The following ATP2C2 variants were observed in gnomAD, a reference collection of about 807,000 sequenced individuals.
The protein encoded by ATP2C2 is calcium-transporting ATPase type 2C member 2.
Under a neutral mutation model 110.8 loss-of-function variants are expected in ATP2C2, and 171 were observed. The observed-to-expected ratio is 1.54, with a 90% confidence interval of 1.36 to 1.75. The LOEUF (loss-of-function observed/expected upper bound fraction) is 1.75. ATP2C2 is among the 40% of genes most tolerant of loss of function. ATP2C2 has a pLI of 0.00. For missense variants in ATP2C2, 1,963 were observed against 1,235.0 expected, an observed-to-expected ratio of 1.59 and a Z score of -8.84; for synonymous variants, 804 against 508.4, an observed-to-expected ratio of 1.58 and a Z score of -7.82.
chr16:84,415,637 G>T (rs765341191), intron 7 of ATP2C2, 46 bp downstream of exon 7: 2 of 1,503,974 alleles, frequency 1.3e-6, no homozygotes, highest in African/African-American at 2.8e-5. Flanking sequence ...GATGGAGCTG[G>T]TCAAGGAGCA....
In ATP2C2 at chr16:84,431,917, T is replaced by C. The variant is rs1458976497; in HGVS notation, c.986+6116T>C. Reference sequence around the variant, plus strand: ...GCGGGGGCTGGGAGGAAGGGGGCACTGGAGCAGGACGCCGAGCTGTGCTGG... The same window carrying C: ...GCGGGGGCTGGGAGGAAGGGGGCACCGGAGCAGGACGCCGAGCTGTGCTGG... On this transcript the variant is annotated intron_variant, in intron 11 of 26. Transcript: ENST00000262429. Among the ~76,000 whole-genome samples, 3 of 152,154 alleles carry C rather than the reference T, an allele frequency of 2.0e-5. No individual in the cohort carries two copies. In the East Asian group the frequency reaches 5.8e-4, roughly 29 times the overall value.
chr16:84,372,414 A>G (rs754813056), intron 1 of ATP2C2, among the ~76,000 whole-genome samples: 2 of 152,172 alleles, frequency 1.3e-5, no homozygotes, highest in South Asian at 2.1e-4. Context: ...GCATCTTCTT[A>G]AAGAAATGTA....
Position 84,459,288 on chromosome 16 carries a change from T to C in ATP2C2, c.2235T>C (p.Ser745=). ...FQLSTSISAL[S]LITLSTVFNL... ...CCCGCAGGAGCATCTCCGCCCTGAG[T>C]CTCATCACTCTGTCCACCGTGTTCA... Residue 745 remains serine (S), a synonymous_variant, in exon 23 of 27, where the codon AGT becomes AGC. Coordinates refer to ENST00000262429, the MANE Select transcript of ATP2C2 (RefSeq NM_014861.4). 3 of 1,614,062 alleles carry C rather than the reference T, an allele frequency of 1.9e-6. No individual in the cohort carries two copies. The highest frequency in any genetic ancestry group is 2.5e-6 in the Non-Finnish European group (3 of 1,180,000).
At chr16:84,408,330 A>T in intron 3 of ATP2C2, 75 bp from the exon 4 acceptor site, 2 of 1,417,840 alleles carry the variant, frequency 1.4e-6, no homozygotes, top group Non-Finnish European at 2.0e-6. Context: ...TGTCACACAA[A>T]CTTCTGCACA....
At chr16:84,395,545 G>A (rs529557674) in intron 1 of ATP2C2, among the ~76,000 whole-genome samples, 4 of 149,544 alleles carry the variant, frequency 2.7e-5, no homozygotes, top group Non-Finnish European at 4.5e-5. Context: ...TGCAACCTCC[G>A]CCTTCCAGGT....
Position 84,368,608 on chromosome 16 carries a change from C to T in ATP2C2, c.-8C>T. ...TAGGGACGCAGGCAACGCCTGCGCC[C>T]GCTCACCATGGTCGAGGGACGCGTC... On this transcript the variant is annotated 5_prime_UTR_variant, in exon 1 of 27. Transcript: ENST00000262429. The T allele has an allele frequency of 1.3e-6, 2 of 1,549,982 alleles. No homozygotes were observed. The highest frequency in any genetic ancestry group is 8.7e-7 in the Non-Finnish European group (1 of 1,147,730).
intron 2 of ATP2C2, chr16:84,404,601 G>C: frequency 3.9e-6 from 1 of 254,958 alleles, no homozygotes; most frequent in Non-Finnish European, 7.7e-6. Flanking sequence ...TTCATCCCTT[G>C]AAAGATTGGT....
chr16:84,459,011 G>A (rs1910970589), intron 21 of ATP2C2, 109 bp from the exon 22 acceptor site: 2 of 1,220,752 alleles, frequency 1.6e-6, no homozygotes, highest in East Asian at 2.3e-5. Context: ...AGGGGCCCAA[G>A]TATAACATCA....
intron 6 of ATP2C2, among the ~76,000 whole-genome samples, chr16:84,413,114 A>G (rs1387014183): frequency 6.8e-6 from 1 of 146,670 alleles, no homozygotes; most frequent in East Asian, 2.0e-4. Context: ...AAAAAAAAAA[A>G]AGTATCTCAT....
intron 7 of ATP2C2, among the ~76,000 whole-genome samples, chr16:84,416,326 G>A (rs1307915576): frequency 6.6e-6 from 1 of 152,196 alleles, no homozygotes; most frequent in Non-Finnish European, 1.5e-5. Flanking sequence ...ATTTGTTGAT[G>A]GGAGTAATCT....
intron 21 of ATP2C2, among the ~76,000 whole-genome samples, chr16:84,458,274 C>A: frequency 1.0e-5 from 1 of 98,876 alleles, no homozygotes. Flanking sequence ...TATTCTCACT[C>A]ATAGGTGGGA....
intron 22 of ATP2C2, 40 bp from the exon 23 acceptor site, chr16:84,459,230 C>T: frequency 6.2e-7 from 1 of 1,614,136 alleles, no homozygotes; most frequent in Non-Finnish European, 8.5e-7. Context: ...AAGCACCACG[C>T]CTGGCGGGCG....
At chr16:84,371,449 G>A (rs1377235898) in intron 1 of ATP2C2, among the ~76,000 whole-genome samples, 1 of 152,220 alleles carries the variant, frequency 6.6e-6, no homozygotes, top group Non-Finnish European at 1.5e-5. Flanking sequence ...AGGCTGCAGT[G>A]AGTTGTGATC....
intron 16 of ATP2C2, among the ~76,000 whole-genome samples, chr16:84,447,667 TAC>T: frequency 7.2e-6 from 1 of 139,174 alleles, no homozygotes; most frequent in African/African-American, 3.0e-5. Flanking sequence ...TAATATATAT[TAC>T]ATATATTACA....
intron 6 of ATP2C2, 24 bp downstream of exon 6, chr16:84,410,789 T>G (rs1411703919): frequency 6.2e-7 from 1 of 1,609,008 alleles, no homozygotes; most frequent in African/African-American, 1.3e-5. Flanking sequence ...TCCCTGGGAC[T>G]TTTTGGTTCA....
intron 11 of ATP2C2, among the ~76,000 whole-genome samples, chr16:84,436,149 G>C (rs1171401765): frequency 7.2e-5 from 11 of 152,236 alleles, no homozygotes; most frequent in Admixed American, 7.2e-4. Context: ...AGCCACCCTT[G>C]TGTGATATAG....
intron 1 of ATP2C2, among the ~76,000 whole-genome samples, chr16:84,386,201 A>G (rs919791927): frequency 6.6e-6 from 1 of 152,168 alleles, no homozygotes; most frequent in Non-Finnish European, 1.5e-5. Context: ...AAGATCTGGT[A>G]GTATGTGTTC....
intron 3 of ATP2C2, among the ~76,000 whole-genome samples, chr16:84,406,903 C>G (rs187142717): frequency 6.6e-5 from 10 of 152,298 alleles, no homozygotes; most frequent in Admixed American, 6.5e-4. Context: ...CCGTGAACAT[C>G]TTCCTTCTCA....
rs374715934 is a variant in ATP2C2 at position 84,439,206 on chromosome 16, G to T, written c.1027G>T (p.Val343Phe). 12 of 1,612,222 alleles carry T rather than the reference G, an allele frequency of 7.4e-6. No individual in the cohort carries two copies. The East Asian group carries it at 8.9e-5, about 12-fold the overall frequency. Residue 343 changes from valine (V) to phenylalanine (F), a missense_variant, in exon 12 of 27, where the codon GTC becomes TTC. Transcript: ENST00000262429. ...CATTCCAGAGGGTCTGCCCATCGTC[G>T]TCATGGTGACGCTGGTCCTGGGAGT... is the stretch of plus-strand genomic sequence containing the variant. Reference protein sequence around the residue: ...AAIPEGLPIVVMVTLVLGVLR... With the variant: ...AAIPEGLPIVFMVTLVLGVLR...
Sources: allele counts gnomAD v4.1 joint callset (sites outside exome capture counted in the v4.1 genomes callset), GRCh38; gene constraint gnomAD v4.1.1; transcripts MANE v1.5; gene names NCBI Gene and HGNC (gene_info 2026-07-23, HGNC 2026-07-21).